ZNF185: variants seen among roughly 807,000 people sequenced by gnomAD.
The protein encoded by ZNF185 is zinc finger protein 185.
In ZNF185, 56 loss-of-function variants were observed where a neutral mutation model predicts 58.6. That is an observed-to-expected ratio of 0.95 (90% CI 0.77 to 1.19). The LOEUF (loss-of-function observed/expected upper bound fraction) is 1.19, where lower values mean the gene tolerates loss of function less well. Ranked by LOEUF, ZNF185 falls within the 50% of genes most tolerant of loss-of-function variation. The probability of loss-of-function intolerance (pLI) is 0.00; values close to 1 mark genes in which losing one functional copy is unlikely to be tolerated. For synonymous variants in ZNF185, 230 were observed against 215.9 expected (o/e 1.07, Z -0.57); for missense variants, 627 against 573.5 (o/e 1.09, Z -0.95).
intron 8 of ZNF185, 44 bp from the exon 10 acceptor site, chrX:152,920,663 C>A (rs782495859): frequency 8.3e-7 from 1 of 1,209,916 alleles, no homozygotes; most frequent in Non-Finnish European, 1.1e-6. Flanking sequence ...TGTCACCTGC[C>A]CACGGGCTCT....
chrX:152,900,749 G>A, the ZNF185 span, among the ~76,000 whole-genome samples: 4 of 112,567 alleles, frequency 3.6e-5, no homozygotes, highest in African/African-American at 1.3e-4. Context: ...ACCTGGTCAG[G>A]TGTGTGGCAG....
At chrX:152,967,120 T>C in intron 19 of ZNF185, 47 bp from the exon 22 acceptor site, 2 of 1,120,417 alleles carry the variant, frequency 1.8e-6, no homozygotes, top group South Asian at 1.9e-5. Flanking sequence ...ATGATAGTGA[T>C]TTGGCTCTCA....
exon 23 of ZNF185, chrX:152,973,470 T>C (rs2050762706): frequency 8.9e-6 from 1 of 112,675 alleles, no homozygotes; most frequent in Non-Finnish European, 1.9e-5. Flanking sequence ...TGGTAAGATA[T>C]CACATGTGTC....
chrX:152,959,054 C>T (rs1203487445), intron 16 of ZNF185, among the ~76,000 whole-genome samples: 1 of 112,764 alleles, frequency 8.9e-6, no homozygotes, highest in African/African-American at 3.2e-5. Context: ...GCAGCAGTCC[C>T]GGTTCCTGCC....
intron 20 of ZNF185, among the ~76,000 whole-genome samples, chrX:152,967,717 G>A (rs782146872): frequency 8.9e-6 from 1 of 112,212 alleles, no homozygotes; most frequent in East Asian, 2.8e-4. Context: ...GAAAGCAGGG[G>A]CAGAGAACAC....
At chrX:152,918,608 C>T (rs912018205) in intron 6 of ZNF185, among the ~76,000 whole-genome samples, 6 of 112,626 alleles carry the variant, frequency 5.3e-5, no homozygotes, top group South Asian at 7.2e-4. Context: ...GGATAGAAAC[C>T]TTCGGGTTTT....
chrX:152,916,027 G>A (rs2125288892), intron 3 of ZNF185, among the ~76,000 whole-genome samples: 1 of 112,049 alleles, frequency 8.9e-6, no homozygotes, highest in East Asian at 2.8e-4. Context: ...GTCCCATGCT[G>A]GGCACAGAGG....
At chrX:152,969,920 G>A (rs1415220881) in intron 21 of ZNF185, among the ~76,000 whole-genome samples, 1 of 112,224 alleles carries the variant, frequency 8.9e-6, no homozygotes, top group Non-Finnish European at 1.9e-5. Context: ...ATTCTCCACA[G>A]TGTGTGGCAC....
chrX:152,928,461 T>G, intron 11 of ZNF185, 114 bp from the exon 13 acceptor site: 11 of 739,699 alleles, frequency 1.5e-5, no homozygotes, highest in Non-Finnish European at 2.2e-5. Context: ...AAGGAGGAGA[T>G]GAGAGCACAT....
intron 14 of ZNF185, among the ~76,000 whole-genome samples, chrX:152,934,980 C>T (rs782704384): frequency 3.1e-4 from 34 of 111,127 alleles, no homozygotes; most frequent in Non-Finnish European, 5.7e-4. Context: ...TGGACCACCA[C>T]GCCTGGCTAA....
intron 16 of ZNF185, among the ~76,000 whole-genome samples, chrX:152,949,074 A>G (rs1010342151): frequency 3.7e-5 from 4 of 107,997 alleles, no homozygotes; most frequent in African/African-American, 1.3e-4. Flanking sequence ...TTGGGAGAGC[A>G]GTGACGGAGA....
At position 152,936,239 on chromosome X, in the gene ZNF185, A is replaced by G. The variant is rs192287780; in HGVS notation, c.1122-1835A>G. 2.2e-3 allele frequency among the ~76,000 whole-genome samples: 247 copies of G among 112,910 alleles called. 2 individuals carry two copies. Among genetic ancestry groups the G allele is most frequent in the Non-Finnish European group, 3.9e-3 (206 of 53,356 alleles). On this transcript the variant is annotated intron_variant, in intron 14 of 22. Coordinates refer to ENST00000449285, the Ensembl canonical transcript of ZNF185. ...TTTGCAACGCCAGAGGGCAACCACT[A>G]TGCCACAGAGCCCCAGGTGTCAGGC...
upstream of ZNF185, among the ~76,000 whole-genome samples, chrX:152,913,938 A>G (rs1032850074): frequency 1.8e-5 from 2 of 111,106 alleles, no homozygotes. Flanking sequence ...GACCTGCCCA[A>G]GGTCTGTCAG....
intron 16 of ZNF185, among the ~76,000 whole-genome samples, chrX:152,956,581 A>G (rs782004150): frequency 9.0e-6 from 1 of 111,516 alleles, no homozygotes; most frequent in African/African-American, 3.3e-5. Context: ...TCCACTAAAA[A>G]TAGAAAAATT....
chrX:152,938,816 C>T (rs1255570320), intron 15 of ZNF185, among the ~76,000 whole-genome samples: 6 of 91,820 alleles, frequency 6.5e-5, no homozygotes, highest in South Asian at 5.1e-4. Context: ...GATAGTGCTC[C>T]GAAGAAAACA....
the ZNF185 span, among the ~76,000 whole-genome samples, chrX:152,909,372 G>A: frequency 3.6e-5 from 4 of 112,419 alleles, no homozygotes; most frequent in Non-Finnish European, 5.6e-5. Flanking sequence ...TATTCTGGAC[G>A]TGAGCCTCGT....
chrX:152,906,772 C>T, the ZNF185 span, among the ~76,000 whole-genome samples: 2 of 110,493 alleles, frequency 1.8e-5, no homozygotes, highest in Non-Finnish European at 3.8e-5. Flanking sequence ...AGCCCTTCTG[C>T]TTGCACCTCT....
chrX:152,937,969 A>G, intron 14 of ZNF185, 105 bp from the exon 17 acceptor site: 1 of 737,246 alleles, frequency 1.4e-6, no homozygotes. Flanking sequence ...TTACTGGAAG[A>G]CACAGTTCCT....
intron 2 of ZNF185, 98 bp downstream of exon 3, chrX:152,914,931 C>T: frequency 9.4e-7 from 1 of 1,069,246 alleles, no homozygotes; most frequent in Admixed American, 2.8e-5. Flanking sequence ...TTCCACCATT[C>T]AGAGCTCCGC....
Sources: allele counts gnomAD v4.1 joint callset (sites outside exome capture counted in the v4.1 genomes callset), GRCh38; gene constraint gnomAD v4.1.1; transcripts MANE v1.5; gene names NCBI Gene and HGNC (gene_info 2026-07-23, HGNC 2026-07-21).